Variants in RXFP1 observed in about 807,000 individuals in gnomAD.
RXFP1 encodes relaxin family peptide receptor 1.
A neutral mutation model predicts 89.8 loss-of-function variants in RXFP1; 73 were observed. The ratio of observed to expected loss-of-function variants is 0.81; its 90% CI spans 0.67 to 0.99. The LOEUF (loss-of-function observed/expected upper bound fraction) is 0.99, where lower values mean the gene tolerates loss of function less well. Among genes scored for constraint, RXFP1 ranks in the 50% least tolerant of loss-of-function variants. The pLI is 0.00. For missense variants in RXFP1, 793 were observed against 895.5 expected, an observed-to-expected ratio of 0.89 and a Z score of 1.46; for synonymous variants, 277 against 305.5, an observed-to-expected ratio of 0.91 and a Z score of 0.97.
At chr4:158,611,296 A>T (rs1033431392) in intron 6 of RXFP1, among the ~76,000 whole-genome samples, 4 of 152,190 alleles carry the variant, frequency 2.6e-5, no homozygotes, top group Non-Finnish European at 2.9e-5. Flanking sequence ...CACTAGAGAG[A>T]TTGAGACATG....
intron 11 of RXFP1, 120 bp from the exon 12 acceptor site, chr4:158,633,285 G>A (rs1768467634): frequency 1.6e-6 from 1 of 616,200 alleles, no homozygotes; most frequent in African/African-American, 1.9e-5. Flanking sequence ...GACTTCTGGT[G>A]ATTAATATAA....
chr4:158,567,810 G>A (rs931682035), intron 1 of RXFP1, among the ~76,000 whole-genome samples: 3 of 152,122 alleles, frequency 2.0e-5, no homozygotes, highest in South Asian at 2.1e-4. Flanking sequence ...TCTGTAAAAC[G>A]GACCAATCAG....
chr4:158,577,469 C>T (rs1363972361), intron 2 of RXFP1, among the ~76,000 whole-genome samples: 2 of 152,116 alleles, frequency 1.3e-5, no homozygotes, highest in Non-Finnish European at 2.9e-5. Flanking sequence ...AATATCTTAA[C>T]ATACAAATAT....
intron 5 of RXFP1, 54 bp downstream of exon 5, chr4:158,605,193 T>A: frequency 1.9e-6 from 2 of 1,042,776 alleles, no homozygotes; most frequent in Non-Finnish European, 1.5e-6. Flanking sequence ...TTTGGCCATG[T>A]CTTTTTCTTC....
intron 10 of RXFP1, 42 bp downstream of exon 10, chr4:158,626,933 T>G (rs1350941648): frequency 9.1e-7 from 1 of 1,100,888 alleles, no homozygotes; most frequent in Non-Finnish European, 1.3e-6. Context: ...TTATCTTTTC[T>G]TACAAATAAA....
At chr4:158,597,548 T>A (rs1270199602) in intron 3 of RXFP1, among the ~76,000 whole-genome samples, 1 of 152,202 alleles carries the variant, frequency 6.6e-6, no homozygotes, top group African/African-American at 2.4e-5. Flanking sequence ...TACTACAACA[T>A]CTTTTAAAAT....
At chr4:158,584,787 C>T (rs1197397860) in intron 2 of RXFP1, among the ~76,000 whole-genome samples, 1 of 152,168 alleles carries the variant, frequency 6.6e-6, no homozygotes, top group African/African-American at 2.4e-5. Flanking sequence ...GAGTAAAGCC[C>T]AGGAATCTGC....
intron 2 of RXFP1, among the ~76,000 whole-genome samples, chr4:158,582,204 A>G (rs922547681): frequency 1.3e-5 from 2 of 152,200 alleles, no homozygotes; most frequent in Non-Finnish European, 2.9e-5. Context: ...AGACATGACA[A>G]TCATTTCAAG....
At chr4:158,597,366 A>T (rs1309339279) in intron 3 of RXFP1, among the ~76,000 whole-genome samples, 2 of 152,218 alleles carry the variant, frequency 1.3e-5, no homozygotes, top group East Asian at 3.8e-4. Context: ...AAAAGTACAG[A>T]GATTTGGAAA....
At chr4:158,552,795 C>T (rs1002026090) in intron 1 of RXFP1, among the ~76,000 whole-genome samples, 1 of 152,186 alleles carries the variant, frequency 6.6e-6, no homozygotes, top group African/African-American at 2.4e-5. Flanking sequence ...ACAGGTATCA[C>T]CGTATTGTTC....
intron 1 of RXFP1, among the ~76,000 whole-genome samples, chr4:158,559,659 C>G (rs1752040838): frequency 6.6e-6 from 1 of 152,152 alleles, no homozygotes; most frequent in South Asian, 2.1e-4. Flanking sequence ...ACAAAAAAGC[C>G]ACTTTTTTCT....
intron 1 of RXFP1, among the ~76,000 whole-genome samples, chr4:158,556,452 C>A (rs569532616): frequency 4.9e-4 from 74 of 152,046 alleles, no homozygotes; most frequent in African/African-American, 1.7e-3. Flanking sequence ...AAATGGGAAC[C>A]CTTACACACT....
At chr4:158,617,105 G>A (rs949408586) in intron 8 of RXFP1, 26 bp from the exon 9 acceptor site, 7 of 1,531,850 alleles carry the variant, frequency 4.6e-6, no homozygotes, top group African/African-American at 1.4e-5. Flanking sequence ...AGAAAAATGT[G>A]ACTTGTTTGT....
chr4:158,576,557 A>G (rs1756247299), intron 2 of RXFP1, among the ~76,000 whole-genome samples: 1 of 152,200 alleles, frequency 6.6e-6, no homozygotes, highest in East Asian at 1.9e-4. Context: ...TTTGAGAACC[A>G]TGAACCTAAA....
At chr4:158,592,032 T>C (rs1303521787) in intron 2 of RXFP1, among the ~76,000 whole-genome samples, 2 of 152,212 alleles carry the variant, frequency 1.3e-5, no homozygotes, top group African/African-American at 4.8e-5. Context: ...TTGACTGCAC[T>C]GTCTCTTATG....
chr4:158,613,500 A>C (rs1376316266), intron 8 of RXFP1, among the ~76,000 whole-genome samples: 4 of 152,338 alleles, frequency 2.6e-5, no homozygotes, highest in Non-Finnish European at 4.4e-5. Context: ...TGTTTACAGC[A>C]TCTTTACCAG....
chr4:158,554,343 A>G (rs1198781418), intron 1 of RXFP1, among the ~76,000 whole-genome samples: 1 of 152,172 alleles, frequency 6.6e-6, no homozygotes, highest in African/African-American at 2.4e-5. Context: ...CTAAGTATAT[A>G]AACTGAAAAG....
chr4:158,536,652 G>A (rs1312148660), intron 1 of RXFP1, among the ~76,000 whole-genome samples: 2 of 152,090 alleles, frequency 1.3e-5, no homozygotes, highest in Non-Finnish European at 2.9e-5. Context: ...TATACAGTAT[G>A]AGCAAATCAT....
At chr4:158,535,429 G>A (rs1745060152) in intron 1 of RXFP1, among the ~76,000 whole-genome samples, 1 of 152,252 alleles carries the variant, frequency 6.6e-6, no homozygotes, top group Admixed American at 6.5e-5. Flanking sequence ...TCCTTAGAGA[G>A]GGCGTGGCCA....
Sources: gnomAD v4.1 joint callset for allele counts (sites outside exome capture counted in the v4.1 genomes callset) on GRCh38, gnomAD v4.1.1 for gene constraint, MANE v1.5 for transcripts, NCBI Gene and HGNC (gene_info 2026-07-23, HGNC 2026-07-21) for gene names.